Variants in PLCB4 observed in about 807,000 individuals in gnomAD.
PLCB4 encodes 1-phosphatidylinositol 4,5-bisphosphate phosphodiesterase beta-4.
In PLCB4, 77 loss-of-function variants were observed where a neutral mutation model predicts 178.8. The observed-to-expected ratio is 0.43, with a 90% CI of 0.36 to 0.52. The LOEUF is 0.52. Among genes scored for constraint, PLCB4 ranks in the 20% least tolerant of loss-of-function variants. The pLI is 0.00. For missense variants in PLCB4, 1,024 were observed against 1,453.4 expected, an observed-to-expected ratio of 0.70 and a Z score of 4.80; for synonymous variants, 496 against 490.8, an observed-to-expected ratio of 1.01 and a Z score of -0.14.
Position 9,380,105 on chromosome 20 carries a change from A to G in PLCB4, c.796A>G (p.Lys266Glu). 1.3e-6 allele frequency: 2 copies of G among 1,599,490 alleles called. No individual in the cohort carries two copies. Among genetic ancestry groups the G allele is most frequent in the South Asian group, 1.1e-5 (1 of 88,604 alleles). The change falls in exon 13 of 40, where the codon AAA (lysine) becomes GAA (glutamate). Residue 266 changes from lysine to glutamate, a missense_variant. Coordinates refer to ENST00000378473, the MANE Select transcript of PLCB4 (RefSeq NM_001377142.1). ...NEILFPFYDA[K>E]RAMQIIEMYE... ...AATTTTATTTCCATTTTATGATGCC[A>G]AAAGGGCAATGCAGATCATTGAGAT...
At chr20:9,286,718 C>G (rs1167618564) in intron 3 of PLCB4, among the ~76,000 whole-genome samples, 3 of 151,968 alleles carry the variant, frequency 2.0e-5, no homozygotes, top group Non-Finnish European at 2.9e-5. Context: ...GAGTCATGAC[C>G]TCATGGATAG....
intron 3 of PLCB4, among the ~76,000 whole-genome samples, chr20:9,268,638 T>C (rs1263237689): frequency 6.6e-6 from 1 of 152,068 alleles, no homozygotes; most frequent in African/African-American, 2.4e-5. Flanking sequence ...TGCCCTCTTA[T>C]CCATACAAGG....
At chr20:9,193,677 T>C (rs900856729) in intron 2 of PLCB4, among the ~76,000 whole-genome samples, 1 of 152,192 alleles carries the variant, frequency 6.6e-6, no homozygotes, top group Non-Finnish European at 1.5e-5. Context: ...AAAATTTTAC[T>C]ATTTCAAAAA....
intron 28 of PLCB4, among the ~76,000 whole-genome samples, chr20:9,428,376 G>T (rs1415896496): frequency 1.3e-5 from 2 of 152,164 alleles, no homozygotes; most frequent in Admixed American, 1.3e-4. Flanking sequence ...GGGCAGGATG[G>T]ATTATGGTAA....
intron 2 of PLCB4, among the ~76,000 whole-genome samples, chr20:9,203,243 G>C (rs931100110): frequency 6.6e-6 from 1 of 151,800 alleles, no homozygotes; most frequent in Non-Finnish European, 1.5e-5. Flanking sequence ...GGTCCTTGAG[G>C]TCATGAATCT....
rs376586784 is a variant in PLCB4, at chr20:9,261,809, T to C, written c.-16+44357T>C. Among the ~76,000 whole-genome samples the C allele has an allele frequency of 3.7e-4, 57 of 152,298 alleles. No individual in the cohort carries two copies. The East Asian group carries it at 0.01, about 27-fold the overall frequency. ...ACATTGTTAATGAGAACAGACTGGC[T>C]GTGCACTTCGATACTCTCCAATAAG... On this transcript the variant is annotated intron_variant, in intron 3 of 39. Coordinates refer to ENST00000378473, the MANE Select transcript of PLCB4 (RefSeq NM_001377142.1).
chr20:9,465,271 A>T (rs1290400040), intron 35 of PLCB4, among the ~76,000 whole-genome samples: 1 of 152,234 alleles, frequency 6.6e-6, no homozygotes, highest in Non-Finnish European at 1.5e-5. Context: ...CTAGATATTG[A>T]TGGAATGTAT....
rs369916540 is a variant in PLCB4 at position 9,227,636 on chromosome 20, T to C, written c.-16+10184T>C. ...TGTCAGGAGTCTATTGGCTGTAGAT[T>C]TGTGGGTTTATTTCTTGATTCTAAA... On this transcript the variant is annotated intron_variant, in intron 3 of 39. Transcript: ENST00000378473. Among the ~76,000 whole-genome samples the C allele has an allele frequency of 1.2e-4, 18 of 152,184 alleles. No individual in the cohort carries two copies. In the East Asian group the frequency reaches 3.1e-3, roughly 26 times the overall value.
Position 9,223,096 on chromosome 20 carries a change from A to C in PLCB4, c.-16+5644A>C, listed in dbSNP as rs1478891824. 5.9e-5 allele frequency among the ~76,000 whole-genome samples: 9 copies of C among 152,296 alleles called. No homozygotes were observed. The East Asian group carries it at 1.7e-3, about 29-fold the overall frequency. Reference sequence around the variant, plus strand: ...CTTGAATGGAGGGTAGAAAGTAGAAAAATTTTAAAGAGGAAAGGGAGGGAA... The same window carrying C: ...CTTGAATGGAGGGTAGAAAGTAGAACAATTTTAAAGAGGAAAGGGAGGGAA... On this transcript the variant is annotated intron_variant, in intron 3 of 39. Transcript: ENST00000378473.
intron 2 of PLCB4, among the ~76,000 whole-genome samples, chr20:9,196,342 G>A (rs762972557): frequency 5.3e-5 from 8 of 152,194 alleles, no homozygotes; most frequent in Non-Finnish European, 8.8e-5. Flanking sequence ...CAATTAAAAT[G>A]ACTTCTGGGC....
chr20:9,373,984 T>A (rs1450175404), intron 12 of PLCB4, among the ~76,000 whole-genome samples: 1 of 152,166 alleles, frequency 6.6e-6, no homozygotes, highest in Non-Finnish European at 1.5e-5. Flanking sequence ...TAATTTAAGT[T>A]AATCATTATA....
chr20:9,475,504 T>A (rs1479247418), intron 38 of PLCB4, among the ~76,000 whole-genome samples: 2 of 152,118 alleles, frequency 1.3e-5, no homozygotes, highest in Non-Finnish European at 1.5e-5. Flanking sequence ...CACCCACAAC[T>A]GACACTTTGA....
intron 2 of PLCB4, among the ~76,000 whole-genome samples, chr20:9,147,804 C>A (rs760294747): frequency 6.6e-6 from 1 of 152,056 alleles, no homozygotes; most frequent in African/African-American, 2.4e-5. Context: ...ACAGCCAATT[C>A]TAGAGTGAGA....
At chr20:9,342,934 G>T (rs1211499119) in intron 7 of PLCB4, among the ~76,000 whole-genome samples, 1 of 152,068 alleles carries the variant, frequency 6.6e-6, no homozygotes, top group East Asian at 1.9e-4. Context: ...CGTGTCATTG[G>T]TTTACGCAAT....
At chr20:9,310,511 C>A (rs1361253345) in intron 4 of PLCB4, among the ~76,000 whole-genome samples, 1 of 151,950 alleles carries the variant, frequency 6.6e-6, no homozygotes, top group Non-Finnish European at 1.5e-5. Flanking sequence ...GAGATTGAGA[C>A]CATTCTGGCT....
At chr20:9,356,207 G>A (rs1053331917) in intron 7 of PLCB4, among the ~76,000 whole-genome samples, 3 of 152,092 alleles carry the variant, frequency 2.0e-5, no homozygotes, top group Non-Finnish European at 4.4e-5. Context: ...TTTGTCAGAT[G>A]AGTAGGTTGC....
intron 26 of PLCB4, among the ~76,000 whole-genome samples, chr20:9,420,331 A>T (rs760802825): frequency 1.1e-4 from 16 of 148,776 alleles, no homozygotes; most frequent in Non-Finnish European, 2.4e-4. Flanking sequence ...CTAATTTTAC[A>T]TTTTTTTTTT....
intron 14 of PLCB4, among the ~76,000 whole-genome samples, chr20:9,385,301 C>T (rs572361656): frequency 1.2e-4 from 18 of 152,294 alleles, no homozygotes; most frequent in Admixed American, 8.5e-4. Flanking sequence ...CATCATGGCC[C>T]GTTCTCGATG....
At chr20:9,336,392 G>C (rs926395) in intron 4 of PLCB4, among the ~76,000 whole-genome samples, 55,147 of 152,048 alleles carry the variant, frequency 0.36, 14,592 homozygotes, top group African/African-American at 0.76. Context: ...GGCTAATATT[G>C]CTTCTTCATT....
Sources: gnomAD v4.1 joint callset for allele counts (sites outside exome capture counted in the v4.1 genomes callset) on GRCh38, gnomAD v4.1.1 for gene constraint, MANE v1.5 for transcripts, NCBI Gene and HGNC (gene_info 2026-07-23, HGNC 2026-07-21) for gene names.